The following TRPM6 variants were observed in gnomAD, a reference collection of about 807,000 sequenced individuals.
TRPM6 encodes the protein transient receptor potential cation channel subfamily M member 6.
Under a neutral mutation model 247.6 loss-of-function variants are expected in TRPM6, and 111 were observed. That is an observed-to-expected ratio of 0.45 (90% CI 0.38 to 0.52). The LOEUF is 0.52. Among genes scored for constraint, TRPM6 ranks in the 20% least tolerant of loss-of-function variants. The probability of loss-of-function intolerance (pLI) is 0.00; values close to 1 mark genes in which losing one functional copy is unlikely to be tolerated. For synonymous variants in TRPM6, 892 were observed against 853.8 expected (o/e 1.04, Z -0.78); for missense variants, 2,126 against 2,421.5 (o/e 0.88, Z 2.56).
chr9:74,861,563 G>A (rs1320969769), intron 1 of TRPM6, among the ~76,000 whole-genome samples: 1 of 152,078 alleles, frequency 6.6e-6, no homozygotes, highest in Non-Finnish European at 1.5e-5. Context: ...CTTTGTAGTA[G>A]GACTACCTGA....
At chr9:74,739,282 A>G in intron 35 of TRPM6, 85 bp downstream of exon 35, 1 of 1,261,558 alleles carries the variant, frequency 7.9e-7, no homozygotes, top group Non-Finnish European at 1.2e-6. Flanking sequence ...CCCCATGGAT[A>G]AGATTTCTCA....
At chr9:74,860,052 C>T (rs1415048889) in intron 1 of TRPM6, among the ~76,000 whole-genome samples, 1 of 152,152 alleles carries the variant, frequency 6.6e-6, no homozygotes, top group African/African-American at 2.4e-5. Context: ...CGTAAGTGTT[C>T]ATCACTGAAC....
intron 21 of TRPM6, among the ~76,000 whole-genome samples, chr9:74,784,981 G>T (rs1429653910): frequency 6.6e-6 from 1 of 152,116 alleles, no homozygotes; most frequent in Non-Finnish European, 1.5e-5. Flanking sequence ...TGGCATGATG[G>T]TGTGTGCCTG....
chr9:74,853,571 C>T (rs941250433), intron 3 of TRPM6, among the ~76,000 whole-genome samples: 1 of 152,148 alleles, frequency 6.6e-6, no homozygotes, highest in Non-Finnish European at 1.5e-5. Context: ...CAACCCTGTG[C>T]TCTCTGAAAC....
Position 74,820,293 on chromosome 9 carries a change from G to A in TRPM6, c.1134+11C>T, listed in dbSNP as rs377209191. 87 of 1,613,274 alleles carry A rather than the reference G, an allele frequency of 5.4e-5. No individual in the cohort carries two copies. The Admixed American group carries it at 8.7e-4, about 16-fold the overall frequency. On this transcript the variant is annotated intron_variant, in intron 9 of 38. Coordinates refer to ENST00000360774, the MANE Select transcript of TRPM6 (RefSeq NM_017662.5). ...CTTAAGTCAGTTGAATCATCAACTC[G>A]TCATACTCACACAATCCCTGTGAAC...
chr9:74,796,347 G>A (rs1025772988), intron 18 of TRPM6, among the ~76,000 whole-genome samples: 1 of 152,150 alleles, frequency 6.6e-6, no homozygotes, highest in African/African-American at 2.4e-5. Flanking sequence ...AATTAATTCA[G>A]TGTCCACAGA....
intron 23 of TRPM6, among the ~76,000 whole-genome samples, chr9:74,780,167 A>G (rs956806817): frequency 5.2e-5 from 7 of 134,562 alleles, no homozygotes; most frequent in Admixed American, 5.1e-4. Flanking sequence ...GAGAGACTCA[A>G]AAAAAAAAAA....
intron 1 of TRPM6, among the ~76,000 whole-genome samples, chr9:74,869,219 C>G (rs1200268233): frequency 6.6e-6 from 1 of 151,886 alleles, no homozygotes; most frequent in Non-Finnish European, 1.5e-5. Flanking sequence ...GCCTGTAATC[C>G]CAGCACTTTG....
At chr9:74,756,851 G>GA (rs1029254360) in intron 27 of TRPM6, among the ~76,000 whole-genome samples, 14 of 141,962 alleles carry the variant, frequency 9.9e-5, no homozygotes, top group South Asian at 2.2e-4. Context: ...TGTCTCAAAA[G>GA]AAAAAAAAAA....
At chr9:74,810,946 C>G in intron 12 of TRPM6, 78 bp from the exon 13 acceptor site, 1 of 1,128,798 alleles carries the variant, frequency 8.9e-7, no homozygotes, top group South Asian at 1.3e-5. Context: ...CTTCAGAATG[C>G]ATAAGTAACT....
At chr9:74,851,984 A>G (rs11144114) in intron 3 of TRPM6, among the ~76,000 whole-genome samples, 50,439 of 150,924 alleles carry the variant, frequency 0.33, 9,118 homozygotes, top group East Asian at 0.5. Flanking sequence ...AACAAAAAAA[A>G]TCAGCCAGAC....
chr9:74,793,084 A>G (rs959345478), intron 18 of TRPM6, among the ~76,000 whole-genome samples: 1 of 152,070 alleles, frequency 6.6e-6, no homozygotes, highest in Non-Finnish European at 1.5e-5. Flanking sequence ...TGAACCCGGG[A>G]GGCAGAGGTT....
intron 1 of TRPM6, among the ~76,000 whole-genome samples, chr9:74,861,790 TC>T (rs1195785028): frequency 1.3e-5 from 2 of 152,136 alleles, no homozygotes; most frequent in Non-Finnish European, 2.9e-5. Context: ...ATTTTTTTTT[TC>T]ATAGAATAAT....
chr9:74,853,970 C>A (rs1830447637), intron 3 of TRPM6, among the ~76,000 whole-genome samples: 2 of 152,072 alleles, frequency 1.3e-5, no homozygotes, highest in Non-Finnish European at 2.9e-5. Context: ...GATATCAAGA[C>A]ATATATTACA....
chr9:74,766,907 T>C lies in TRPM6; in HGVS notation c.3537-3773A>G, dbSNP rs528316732. Among the ~76,000 whole-genome samples, 13 of 151,638 alleles carry C rather than the reference T, an allele frequency of 8.6e-5. No individual in the cohort carries two copies. In the South Asian group the frequency reaches 2.7e-3, roughly 32 times the overall value. On this transcript the variant is annotated intron_variant, in intron 25 of 38. Transcript: ENST00000360774. ...CCTAGGCAACAAGAGCGAAACTCCGTCTCAAAAAAAAAGAGAGGTTAGGTC... is the reference window on the plus strand; with the variant it reads ...CCTAGGCAACAAGAGCGAAACTCCGCCTCAAAAAAAAAGAGAGGTTAGGTC...
At chr9:74,848,662 A>C (rs1830183485) in intron 3 of TRPM6, among the ~76,000 whole-genome samples, 1 of 152,178 alleles carries the variant, frequency 6.6e-6, no homozygotes, top group African/African-American at 2.4e-5. Flanking sequence ...CCCTGCCTCC[A>C]GCTAGATAGT....
Position 74,762,937 on chromosome 9 carries a change from G to A in TRPM6, c.3734C>T (p.Thr1245Ile). 6.2e-7 allele frequency: 1 copy of A among 1,606,222 alleles called. No individual in the cohort carries two copies. Among genetic ancestry groups the A allele is most frequent in the Non-Finnish European group, 8.5e-7 (1 of 1,175,022 alleles). The change falls in exon 26 of 39, where the codon ACT becomes ATT. Residue 1245 changes from threonine to isoleucine, a missense_variant. Coordinates refer to ENST00000360774, the MANE Select transcript of TRPM6 (RefSeq NM_017662.5). ...CCAGCTGTGGGGAAGTTTTTTGCAAGTAGAATGCTTTCTCTTGGCCAGGAG... is the reference window on the plus strand; with the variant it reads ...CCAGCTGTGGGGAAGTTTTTTGCAAATAGAATGCTTTCTCTTGGCCAGGAG... ...EALLAKRKHS[T>I]CKKLPHSWSN...
intron 1 of TRPM6, among the ~76,000 whole-genome samples, chr9:74,863,837 C>T (rs925106663): frequency 6.6e-5 from 10 of 151,800 alleles, no homozygotes; most frequent in African/African-American, 1.9e-4. Flanking sequence ...CCGCCCAACT[C>T]GGCCTCCCAA....
chr9:74,797,212 C>T (rs1039990392), intron 17 of TRPM6, among the ~76,000 whole-genome samples: 1 of 152,130 alleles, frequency 6.6e-6, no homozygotes, highest in Non-Finnish European at 1.5e-5. Context: ...GAATACTGTG[C>T]AACCATTAAA....
Sources: allele counts gnomAD v4.1 joint callset (sites outside exome capture counted in the v4.1 genomes callset), GRCh38; gene constraint gnomAD v4.1.1; transcripts MANE v1.5; gene names NCBI Gene and HGNC (gene_info 2026-07-23, HGNC 2026-07-21).